Variants in AKAP13 observed in about 807,000 individuals in gnomAD.
AKAP13 encodes A-kinase anchor protein 13.
In AKAP13, 80 loss-of-function variants were observed where a neutral mutation model predicts 264.5. The ratio of observed to expected loss-of-function variants is 0.30; its 90% CI spans 0.25 to 0.36. AKAP13 has a LOEUF of 0.36. Among genes scored for constraint, AKAP13 ranks in the 10% least tolerant of loss-of-function variants. The pLI is 1.00. For missense variants in AKAP13, 3,712 were observed against 3,435.2 expected (o/e 1.08, Z -2.01); for synonymous variants, 1,380 against 1,250.2 (o/e 1.10, Z -2.19).
chr15:85,563,858 A>C (rs1444573309), intron 5 of AKAP13, among the ~76,000 whole-genome samples: 2 of 152,216 alleles, frequency 1.3e-5, no homozygotes, highest in Non-Finnish European at 2.9e-5. Context: ...TTTTAAAAGG[A>C]CTGTTACATT....
At chr15:85,404,171 T>G (rs2071561689) in intron 1 of AKAP13, among the ~76,000 whole-genome samples, 1 of 152,240 alleles carries the variant, frequency 6.6e-6, no homozygotes, top group Non-Finnish European at 1.5e-5. Context: ...TGACCAAGAT[T>G]GAAGCATAAT....
Position 85,719,286 on chromosome 15 carries a change from A to G in AKAP13, c.6212A>G (p.Asn2071Ser). 1 of 1,614,146 alleles carries G rather than the reference A, an allele frequency of 6.2e-7. No homozygotes were observed. ...KESLVDKSEK[N>S]FLIKRIGDVL... ...TCTCTGGTGGATAAAAGTGAAAAGA[A>G]CTTTCTCATCAAGAGGATAGGGGAT... Residue 2071 changes from asparagine (N) to serine (S), a missense_variant, in exon 23 of 37, where the codon AAC becomes AGC. Physicochemically the swap from Asn to Ser is conservative, Grantham distance 46. Transcript: ENST00000394518.
intron 3 of AKAP13, among the ~76,000 whole-genome samples, chr15:85,530,598 G>T (rs2077213854): frequency 6.6e-6 from 1 of 152,146 alleles, no homozygotes; most frequent in Admixed American, 6.5e-5. Context: ...ATTGAATTGT[G>T]AAATTTTGAC....
rs139466288 is a variant in AKAP13, at chr15:85,440,411, T to G, written c.-11-45299T>G. On this transcript the variant is annotated intron_variant, in intron 1 of 36. Transcript: ENST00000394518. ...CTGAAATGCTGCTGTTATTGTAACTTACTGACTGTATTGTAAATTCATGGA... is the reference window on the plus strand; with the variant it reads ...CTGAAATGCTGCTGTTATTGTAACTGACTGACTGTATTGTAAATTCATGGA... Among the ~76,000 whole-genome samples the G allele has an allele frequency of 8.7e-4, 133 of 152,364 alleles. 1 individual carries two copies. Among genetic ancestry groups the G allele is most frequent in the African/African-American group, 2.9e-3 (122 of 41,582 alleles).
chr15:85,655,243 A>AG (rs1239193259), intron 10 of AKAP13, among the ~76,000 whole-genome samples, 174 bp from the exon 11 acceptor site: 1 of 152,122 alleles, frequency 6.6e-6, no homozygotes, highest in Non-Finnish European at 1.5e-5. Context: ...TCTAGAGTCC[A>AG]GGGGGGATTT....
intron 22 of AKAP13, 62 bp from the exon 23 acceptor site, chr15:85,719,014 T>C (rs1242779244): frequency 6.9e-6 from 11 of 1,589,454 alleles, no homozygotes; most frequent in Non-Finnish European, 8.6e-6. Flanking sequence ...CAGCAGATGA[T>C]CTTTGAGGGC....
chr15:85,469,792 A>G (rs1231805459), intron 1 of AKAP13, among the ~76,000 whole-genome samples: 1 of 152,002 alleles, frequency 6.6e-6, no homozygotes, highest in Non-Finnish European at 1.5e-5. Flanking sequence ...AAAACTGTCA[A>G]CTCCAGTTTT....
chr15:85,642,954 G>C (rs2082376706), intron 9 of AKAP13, among the ~76,000 whole-genome samples: 1 of 151,558 alleles, frequency 6.6e-6, no homozygotes, highest in Non-Finnish European at 1.5e-5. Flanking sequence ...TTTCAAGCAG[G>C]GAAAGGAGAA....
At chr15:85,516,288 A>G (rs939095534) in intron 2 of AKAP13, among the ~76,000 whole-genome samples, 1 of 152,212 alleles carries the variant, frequency 6.6e-6, no homozygotes, top group Non-Finnish European at 1.5e-5. Context: ...CTTATGAGAT[A>G]AGGTTGATGA....
At chr15:85,464,132 T>G (rs2074633730) in intron 1 of AKAP13, among the ~76,000 whole-genome samples, 1 of 152,228 alleles carries the variant, frequency 6.6e-6, no homozygotes, top group African/African-American at 2.4e-5. Context: ...AGGGTTAAAG[T>G]CTGGCATGCC....
intron 2 of AKAP13, among the ~76,000 whole-genome samples, chr15:85,519,771 C>T (rs533005965): frequency 6.6e-6 from 1 of 152,160 alleles, no homozygotes; most frequent in Non-Finnish European, 1.5e-5. Context: ...TGTTAATAGA[C>T]CTGGTTCCTA....
At position 85,677,686 on chromosome 15, in the gene AKAP13, C is replaced by G. The variant is rs1420989497; in HGVS notation, c.5102-4472C>G. 2.7e-5 allele frequency among the ~76,000 whole-genome samples: 4 copies of G among 147,138 alleles called. No homozygotes were observed. The South Asian group carries it at 8.5e-4, about 31-fold the overall frequency. On this transcript the variant is annotated intron_variant, in intron 14 of 36. Coordinates refer to ENST00000394518, the MANE Select transcript of AKAP13 (RefSeq NM_007200.5). ...TTTGAGATGGAGATGGAGTCTCACT[C>G]TGTCGCCCAGGCTGGAGTGCAGTGG... is the stretch of plus-strand genomic sequence containing the variant.
chr15:85,522,106 A>G (rs1245583117), intron 3 of AKAP13, among the ~76,000 whole-genome samples: 1 of 152,152 alleles, frequency 6.6e-6, no homozygotes, highest in East Asian at 1.9e-4. Context: ...TCTGCTCTCT[A>G]GCAGGTACCA....
intron 8 of AKAP13, among the ~76,000 whole-genome samples, chr15:85,604,649 A>T (rs1030803810): frequency 6.6e-6 from 1 of 152,034 alleles, no homozygotes; most frequent in African/African-American, 2.4e-5. Flanking sequence ...TTTTTAGTAG[A>T]GATGAGGTTT....
intron 1 of AKAP13, among the ~76,000 whole-genome samples, chr15:85,443,628 A>G (rs1467880490): frequency 1.3e-5 from 2 of 152,186 alleles, no homozygotes; most frequent in Non-Finnish European, 2.9e-5. Flanking sequence ...AAGGTACAGT[A>G]TAAATACAGC....
At chr15:85,709,289 T>C (rs62022940) in intron 18 of AKAP13, among the ~76,000 whole-genome samples, 28,003 of 152,130 alleles carry the variant, frequency 0.18, 2,820 homozygotes, top group Non-Finnish European at 0.22. Flanking sequence ...TCTTTATTTA[T>C]TATTATATAG....
intron 30 of AKAP13, among the ~76,000 whole-genome samples, 193 bp from the exon 31 acceptor site, chr15:85,734,799 A>G (rs963911949): frequency 2.6e-5 from 4 of 152,190 alleles, no homozygotes; most frequent in African/African-American, 9.7e-5. Context: ...GGAAGGTCTC[A>G]TCTCTAAATT....
At chr15:85,717,462 C>A in intron 21 of AKAP13, 60 bp downstream of exon 21, 1 of 1,183,744 alleles carries the variant, frequency 8.4e-7, no homozygotes, top group Non-Finnish European at 1.2e-6. Context: ...TGTGTCATTA[C>A]CTAGAACATA....
chr15:85,386,946 A>C (rs1015376876), intron 1 of AKAP13, among the ~76,000 whole-genome samples: 4 of 151,912 alleles, frequency 2.6e-5, no homozygotes, highest in Admixed American at 6.6e-5. Context: ...TTTTTTGGGT[A>C]TTTTAGTTGC....
Sources: allele counts gnomAD v4.1 joint callset (sites outside exome capture counted in the v4.1 genomes callset), GRCh38; gene constraint gnomAD v4.1.1; transcripts MANE v1.5; gene names NCBI Gene and HGNC (gene_info 2026-07-23, HGNC 2026-07-21).